COQ3: variants seen among roughly 807,000 people sequenced by gnomAD.
COQ3 encodes ubiquinone biosynthesis O-methyltransferase, mitochondrial.
Under a neutral mutation model 33.1 loss-of-function variants are expected in COQ3, and 29 were observed. The ratio of observed to expected loss-of-function variants is 0.88; its 90% CI spans 0.65 to 1.19. The LOEUF (loss-of-function observed/expected upper bound fraction) is 1.19. Among genes scored for constraint, COQ3 ranks in the 50% most tolerant of loss-of-function variants. The pLI is 0.00. For missense variants in COQ3, 437 were observed against 430.7 expected (o/e 1.01, Z -0.13); for synonymous variants, 173 against 157.8 (o/e 1.10, Z -0.72).
intron 1 of COQ3, among the ~76,000 whole-genome samples, chr6:99,390,377 A>G (rs1774790758): frequency 1.4e-5 from 2 of 141,508 alleles, no homozygotes; most frequent in Admixed American, 7.4e-5. Context: ...TCTGTCGCCC[A>G]GGCTGGAGTG....
At chr6:99,389,809 A>G (rs1286072105) in intron 1 of COQ3, among the ~76,000 whole-genome samples, 1 of 152,146 alleles carries the variant, frequency 6.6e-6, no homozygotes, top group Non-Finnish European at 1.5e-5. Flanking sequence ...GCATTTGGGT[A>G]ATTATCAAAA....
At chr6:99,387,638 A>G (rs1256619927) in intron 1 of COQ3, among the ~76,000 whole-genome samples, 1 of 152,234 alleles carries the variant, frequency 6.6e-6, no homozygotes, top group African/African-American at 2.4e-5. Flanking sequence ...ATAGTACTTT[A>G]TGATGAAAGA....
At chr6:99,384,771 T>A (rs981877227) in intron 1 of COQ3, among the ~76,000 whole-genome samples, 2 of 152,008 alleles carry the variant, frequency 1.3e-5, no homozygotes, top group African/African-American at 2.4e-5. Context: ...GGGCATTACA[T>A]CACAATAAAA....
intron 4 of COQ3, among the ~76,000 whole-genome samples, chr6:99,376,708 C>T (rs1361959708): frequency 6.6e-6 from 1 of 152,078 alleles, no homozygotes; most frequent in Admixed American, 6.6e-5. Flanking sequence ...CGGTGGCTCA[C>T]GCCTGTAATC....
rs751253489 is a variant in COQ3 at position 99,377,367 on chromosome 6, C to G, written c.486+19G>C. ...ATTTTTTTCTCCCAGTTAAAAATGG[C>G]AGGAAAGCTGTCACTTACTTCAGTT... On this transcript the variant is annotated intron_variant, in intron 4 of 6. Transcript: ENST00000254759. 6.4e-7 allele frequency: 1 copy of G among 1,570,630 alleles called. No individual in the cohort carries two copies. Among genetic ancestry groups the G allele is most frequent in the Non-Finnish European group, 8.8e-7 (1 of 1,140,792 alleles).
Position 99,369,486 on chromosome 6 carries a change from C to G in COQ3, c.*114G>C. 1 of 851,368 alleles carries G rather than the reference C, an allele frequency of 1.2e-6. No individual in the cohort carries two copies. The highest frequency in any genetic ancestry group is 2.5e-5 in the Admixed American group (1 of 39,284). The allele number at this position is 851,368 out of a possible 1,614,324, so 52.7% of individuals were successfully genotyped here. ...AAAAACTTTTGTCCAAGGTTTTAGC[C>G]CTTTTTATTGACCTTCTTTTCTTCA... is the stretch of plus-strand genomic sequence containing the variant. On this transcript the variant is annotated 3_prime_UTR_variant, in exon 7 of 7. Coordinates refer to ENST00000254759, the MANE Select transcript of COQ3 (RefSeq NM_017421.4).
intron 1 of COQ3, among the ~76,000 whole-genome samples, chr6:99,387,053 C>T (rs9321515): frequency 0.48 from 72,699 of 152,028 alleles, 18,056 homozygotes; most frequent in East Asian, 0.79. Flanking sequence ...CAGCAACATA[C>T]AAATAGAAGA....
Position 99,380,199 on chromosome 6 carries a change from G to A in COQ3, c.376C>T (p.Pro126Ser), listed in dbSNP as rs1774426853. Residue 126 changes from proline to serine, a missense_variant, in exon 3 of 7, where the codon CCA (proline) becomes TCA (serine). Coordinates refer to ENST00000254759, the MANE Select transcript of COQ3 (RefSeq NM_017421.4). ...TTTCTGGAGTGTTACCTAATAAATG[G>A]CACCCTCAGGTCATTCATGGAATGA... is the stretch of plus-strand genomic sequence containing the variant. ...PLHSMNDLRV[P>S]FIRDNLLKTI... 1 of 1,612,934 alleles carries A rather than the reference G, an allele frequency of 6.2e-7. No homozygotes were observed. The highest frequency in any genetic ancestry group is 8.5e-7 in the Non-Finnish European group (1 of 1,179,384).
intron 5 of COQ3, among the ~76,000 whole-genome samples, chr6:99,372,467 G>A (rs972900579): frequency 1.3e-5 from 2 of 152,032 alleles, no homozygotes; most frequent in African/African-American, 2.4e-5. Flanking sequence ...GCCCAGGGTA[G>A]AGCACAGTGG....
chr6:99,390,805 C>T lies in COQ3; in HGVS notation c.106+3269G>A, dbSNP rs184980500. 1.7e-3 allele frequency among the ~76,000 whole-genome samples: 263 copies of T among 152,308 alleles called. 1 individual carries two copies. The highest frequency in any genetic ancestry group is 6.1e-3 in the African/African-American group (253 of 41,574). The stretch of plus-strand genomic sequence containing the variant: ...CACCAAGGTCACCCAAGCGATCCTC[C>T]CACCTCAGCCCCTCGAGTAGCTGGC... On this transcript the variant is annotated intron_variant, in intron 1 of 6. Coordinates refer to ENST00000254759, the MANE Select transcript of COQ3 (RefSeq NM_017421.4).
At chr6:99,375,844 C>T in intron 5 of COQ3, 96 bp downstream of exon 5, 1 of 1,324,854 alleles carries the variant, frequency 7.5e-7, no homozygotes, top group South Asian at 1.3e-5. Context: ...ACCTTGCCTG[C>T]TGGACTGCTA....
At position 99,383,686 on chromosome 6, in the gene COQ3, T is replaced by C; in HGVS notation, c.233+12A>G. The C allele has an allele frequency of 6.4e-7, 1 of 1,560,352 alleles. No homozygotes were observed. The highest frequency in any genetic ancestry group is 8.6e-7 in the Non-Finnish European group (1 of 1,159,196). On this transcript the variant is annotated intron_variant, in intron 2 of 6. Coordinates refer to ENST00000254759, the MANE Select transcript of COQ3 (RefSeq NM_017421.4). ...ATTACGTGAATATTTGCCACAGTAA[T>C]AATAAACCCACCTGAAACTCTTTAT...
intron 2 of COQ3, among the ~76,000 whole-genome samples, chr6:99,382,627 G>A (rs1297939610): frequency 1.3e-5 from 2 of 152,046 alleles, no homozygotes; most frequent in African/African-American, 4.8e-5. Context: ...AACTCAAAGG[G>A]GCTCATTTAC....
At chr6:99,382,791 T>G (rs1167470380) in intron 2 of COQ3, among the ~76,000 whole-genome samples, 1 of 151,830 alleles carries the variant, frequency 6.6e-6, no homozygotes, top group Non-Finnish European at 1.5e-5. Context: ...CCTTCTCTAC[T>G]AAAAATACAA....
intron 1 of COQ3, among the ~76,000 whole-genome samples, chr6:99,391,763 C>G (rs34188355): frequency 0.13 from 19,843 of 152,094 alleles, 1,857 homozygotes; most frequent in Non-Finnish European, 0.18. Context: ...CTTTGGGAGA[C>G]CAAGGTGGGC....
intron 1 of COQ3, among the ~76,000 whole-genome samples, chr6:99,390,142 A>AT (rs1554209144): frequency 6.6e-6 from 1 of 152,134 alleles, no homozygotes; most frequent in Non-Finnish European, 1.5e-5. Flanking sequence ...ATTAAATTAC[A>AT]TAGGTTATTT....
intron 1 of COQ3, among the ~76,000 whole-genome samples, chr6:99,384,878 A>C (rs1774577529): frequency 6.6e-6 from 1 of 152,186 alleles, no homozygotes; most frequent in South Asian, 2.1e-4. Flanking sequence ...TCGGAGGCTG[A>C]AGCAAGCAGA....
intron 1 of COQ3, among the ~76,000 whole-genome samples, chr6:99,385,668 T>C (rs894802251): frequency 5.3e-5 from 8 of 151,962 alleles, no homozygotes; most frequent in African/African-American, 1.9e-4. Flanking sequence ...AAAATAATCA[T>C]ATTGAAAAGG....
intron 5 of COQ3, among the ~76,000 whole-genome samples, chr6:99,373,211 G>C: frequency 6.6e-6 from 1 of 152,098 alleles, no homozygotes; most frequent in East Asian, 1.9e-4. Flanking sequence ...GATTGCTCGA[G>C]ACCAGGAGTT....
Sources: allele counts gnomAD v4.1 joint callset (sites outside exome capture counted in the v4.1 genomes callset), GRCh38; gene constraint gnomAD v4.1.1; transcripts MANE v1.5; gene names NCBI Gene and HGNC (gene_info 2026-07-23, HGNC 2026-07-21).